USP13: variants seen among roughly 807,000 people sequenced by gnomAD.
The protein encoded by USP13 is ubiquitin carboxyl-terminal hydrolase 13.
USP13 carries 68 observed loss-of-function variants against 107.8 expected under a neutral mutation model. That is an observed-to-expected ratio of 0.63 (90% CI 0.52 to 0.77). The LOEUF (loss-of-function observed/expected upper bound fraction) is 0.77. Ranked by LOEUF, USP13 falls within the 30% of genes least tolerant of loss-of-function variation. USP13 has a pLI of 0.00. For missense variants in USP13, 945 were observed against 1,093.3 expected (o/e 0.86, Z 1.91); for synonymous variants, 377 against 389.5 (o/e 0.97, Z 0.38).
intron 6 of USP13, among the ~76,000 whole-genome samples, chr3:179,711,405 G>T (rs1712921904): frequency 6.6e-6 from 1 of 152,082 alleles, no homozygotes; most frequent in Admixed American, 6.6e-5. Flanking sequence ...TAGAGATGGG[G>T]TTTCACCATG....
intron 13 of USP13, among the ~76,000 whole-genome samples, chr3:179,747,953 G>A (rs1337700279): frequency 2.0e-5 from 3 of 152,170 alleles, no homozygotes; most frequent in Non-Finnish European, 4.4e-5. Flanking sequence ...ATATACATGA[G>A]AAGAATTAGT....
At chr3:179,781,973 A>G in intron 20 of USP13, 150 bp downstream of exon 20, 1 of 616,134 alleles carries the variant, frequency 1.6e-6, no homozygotes, top group Non-Finnish European at 2.7e-6. Context: ...TTTGCACATC[A>G]AGACACCGAG....
intron 10 of USP13, among the ~76,000 whole-genome samples, chr3:179,739,185 T>C (rs1245305367): frequency 6.6e-6 from 1 of 152,234 alleles, no homozygotes; most frequent in Admixed American, 6.5e-5. Context: ...GCAGATAGCC[T>C]GCCCACTTCT....
chr3:179,777,546 G>A (rs751417434), intron 19 of USP13, among the ~76,000 whole-genome samples: 27 of 150,426 alleles, frequency 1.8e-4, no homozygotes, highest in Non-Finnish European at 2.8e-4. Context: ...TCAATCCCCT[G>A]GGCTCCAGCA....
At chr3:179,658,487 C>T (rs1720356586) in intron 1 of USP13, among the ~76,000 whole-genome samples, 2 of 152,282 alleles carry the variant, frequency 1.3e-5, no homozygotes, top group Non-Finnish European at 1.5e-5. Flanking sequence ...CTTGCCTTAG[C>T]TTGGGTCAAC....
Position 179,653,550 on chromosome 3 carries a change from GC to G in USP13, c.168+161del. 2 of 1,024,090 alleles carry G rather than the reference GC, an allele frequency of 2.0e-6. No individual in the cohort carries two copies. Among genetic ancestry groups the G allele is most frequent in the Non-Finnish European group, 2.7e-6 (2 of 727,334 alleles). 63.4% of individuals were successfully genotyped at this position (1,024,090 alleles called of 1,614,324 possible). A position where few individuals can be genotyped will look rare whatever the true frequency, so the allele number is the denominator to read the frequency against. On this transcript the variant is annotated intron_variant, in intron 1 of 20. Transcript: ENST00000263966. The surrounding 1 kb of genome is among the most constrained non-coding windows in gnomAD (Gnocchi z 4.0). ...GCAGTTCGGCAGACACTTAGTGAGC[GC>G]CCCAGGGCTGCTGCAGCCGAGGACT... is the stretch of plus-strand genomic sequence containing the variant.
chr3:179,654,281 G>A lies in USP13; in HGVS notation c.168+888G>A, dbSNP rs1269288727. 2.0e-5 allele frequency among the ~76,000 whole-genome samples: 3 copies of A among 151,940 alleles called. No homozygotes were observed. In the East Asian group the frequency reaches 5.8e-4, roughly 29 times the overall value. ...CTCCACTCGGGCAGCAGAAATAGGG[G>A]ATCTACTGGATTGCGATGGTTTTCT... is the stretch of plus-strand genomic sequence containing the variant. On this transcript the variant is annotated intron_variant, in intron 1 of 20. Coordinates refer to ENST00000263966, the MANE Select transcript of USP13 (RefSeq NM_003940.3).
chr3:179,752,535 A>G (rs752948072), intron 14 of USP13, among the ~76,000 whole-genome samples, 162 bp downstream of exon 14: 5 of 152,260 alleles, frequency 3.3e-5, no homozygotes, highest in Non-Finnish European at 1.5e-5. Context: ...AGAACTGACA[A>G]TAAAAATTGC....
At chr3:179,754,956 T>C (rs1317972770) in intron 15 of USP13, 102 bp downstream of exon 15, 8 of 1,418,148 alleles carry the variant, frequency 5.6e-6, no homozygotes, top group African/African-American at 2.9e-5. Flanking sequence ...CCACCACCCA[T>C]TGGTGGTCTA....
intron 1 of USP13, among the ~76,000 whole-genome samples, chr3:179,674,651 T>C (rs1319796679): frequency 6.6e-6 from 1 of 152,042 alleles, no homozygotes; most frequent in Admixed American, 6.6e-5. Flanking sequence ...CTCGGGCCTG[T>C]ACCCAGAGGG....
At chr3:179,672,222 A>C (rs1381120059) in intron 1 of USP13, among the ~76,000 whole-genome samples, 1 of 152,216 alleles carries the variant, frequency 6.6e-6, no homozygotes, top group African/African-American at 2.4e-5. Context: ...ATATAAAATC[A>C]GTGACTTTGT....
At chr3:179,679,175 A>G (rs1711563643) in intron 1 of USP13, among the ~76,000 whole-genome samples, 1 of 152,150 alleles carries the variant, frequency 6.6e-6, no homozygotes, top group Admixed American at 6.6e-5. Context: ...GTTTTAAACA[A>G]TTATTGGAAT....
chr3:179,653,111 G>C lies in USP13; in HGVS notation c.-115G>C. On this transcript the variant is annotated 5_prime_UTR_variant, in exon 1 of 21. Transcript: ENST00000263966. The surrounding 1 kb of genome is among the most constrained non-coding windows in gnomAD (Gnocchi z 4.0). ...CTCCCCGCCCGCCCCGGCTCGGCCG[G>C]CTGCCGTTGCCCGCGCAGCCCGCCC... The C allele has an allele frequency of 1.1e-6, 1 of 921,092 alleles. No homozygotes were observed. Among genetic ancestry groups the C allele is most frequent in the Non-Finnish European group, 1.3e-6 (1 of 772,062 alleles). The allele number at this position is 921,092 out of a possible 1,614,324, so 57.1% of individuals were successfully genotyped here.
intron 1 of USP13, among the ~76,000 whole-genome samples, chr3:179,671,782 A>G (rs1390075426): frequency 2.0e-5 from 3 of 152,038 alleles, no homozygotes; most frequent in Non-Finnish European, 2.9e-5. Flanking sequence ...TCTAGAAAAT[A>G]CGGTGTTCTG....
chr3:179,665,991 G>T (rs1235264219), intron 1 of USP13, among the ~76,000 whole-genome samples: 3 of 152,170 alleles, frequency 2.0e-5, no homozygotes, highest in Non-Finnish European at 4.4e-5. Context: ...TGGACAACTG[G>T]ATGGAATCCG....
intron 1 of USP13, among the ~76,000 whole-genome samples, chr3:179,672,625 G>T (rs973743674): frequency 2.0e-5 from 3 of 152,010 alleles, no homozygotes; most frequent in African/African-American, 4.8e-5. Flanking sequence ...GTAGAGATGG[G>T]GTTTCACCAT....
chr3:179,670,039 C>T (rs1298480974), intron 1 of USP13, among the ~76,000 whole-genome samples: 2 of 152,198 alleles, frequency 1.3e-5, no homozygotes, highest in Non-Finnish European at 2.9e-5. Flanking sequence ...TCATGCTTCT[C>T]CAGGACCCTG....
chr3:179,755,080 G>A (rs9809051), intron 15 of USP13, among the ~76,000 whole-genome samples: 67,362 of 151,852 alleles, frequency 0.44, 16,366 homozygotes, highest in East Asian at 0.67. Flanking sequence ...GGTTGAAATG[G>A]ACAGTTTTTT....
At position 179,720,010 on chromosome 3, in the gene USP13, A is replaced by T. The variant is rs749235004; in HGVS notation, c.876A>T (p.Gly292=). 1.2e-6 allele frequency: 2 copies of T among 1,614,042 alleles called. No homozygotes were observed. The highest frequency in any genetic ancestry group is 2.2e-5 in the South Asian group (2 of 91,046). The part of the protein sequence containing the change: ...PHLAKHLAHF[G]IDMLHMHGTE... Reference sequence around the variant, plus strand: ...TGGCCAAGCACTTAGCGCATTTTGGAATTGATATGCTTCATATGCATGGGG... The same window carrying T: ...TGGCCAAGCACTTAGCGCATTTTGGTATTGATATGCTTCATATGCATGGGG... Residue 292 remains glycine (G), a synonymous_variant, in exon 7 of 21, where the codon GGA becomes GGT. Transcript: ENST00000263966.
Sources: allele counts gnomAD v4.1 joint callset (sites outside exome capture counted in the v4.1 genomes callset), GRCh38; gene constraint gnomAD v4.1.1; non-coding constraint Gnocchi (gnomAD v3.1); transcripts MANE v1.5; gene names NCBI Gene and HGNC (gene_info 2026-07-23, HGNC 2026-07-21).